The following MAST1 variants were observed in gnomAD, a reference collection of about 807,000 sequenced individuals.
MAST1 encodes microtubule-associated serine/threonine-protein kinase 1.
MAST1 carries 40 observed loss-of-function variants against 124.6 expected under a neutral mutation model. The ratio of observed to expected loss-of-function variants is 0.32; its 90% CI spans 0.25 to 0.42. MAST1 has a LOEUF of 0.42. Among genes scored for constraint, MAST1 ranks in the 10% least tolerant of loss-of-function variants. The probability of loss-of-function intolerance (pLI) is 1.00; values close to 1 mark genes in which losing one functional copy is unlikely to be tolerated. For missense variants in MAST1, 1,558 were observed against 2,181.9 expected (o/e 0.71, Z 5.70); for synonymous variants, 938 against 939.4 (o/e 1.00, Z 0.03).
chr19:12,854,634 T>C (rs554727435), intron 10 of MAST1, among the ~76,000 whole-genome samples: 1 of 152,310 alleles, frequency 6.6e-6, no homozygotes, highest in Admixed American at 6.5e-5. Context: ...CTGTTGTAAA[T>C]AGTGCTCTTA....
rs1461885638 is a variant in MAST1, at chr19:12,874,482, G to A, written c.4325G>A (p.Arg1442Gln). 6.4e-7 allele frequency: 1 copy of A among 1,571,380 alleles called. No homozygotes were observed. The highest frequency in any genetic ancestry group is 8.6e-7 in the Non-Finnish European group (1 of 1,162,184). ...GTACCCATTGTCGTAGAGCCTGCGC[G>A]GCCCGGGGCTAAGGCTGTGGTGCCT... The part of the protein sequence containing the change: ...PLVPIVVEPA[R>Q]PGAKAVVPQP... The change falls in exon 26 of 26, where the codon CGG (arginine) becomes CAG (glutamine). Residue 1442 changes from arginine to glutamine, a missense_variant. Around this residue, in one of 10 missense-constraint regions of MAST1, gnomAD observed 263 missense variants for 310.9 expected, o/e 0.85. Transcript: ENST00000251472. This position sits in a 1 kb window ranked among gnomAD's most constrained non-coding sequence, Gnocchi z 6.6.
At chr19:12,855,340 G>A (rs1191776049) in intron 10 of MAST1, among the ~76,000 whole-genome samples, 2 of 152,022 alleles carry the variant, frequency 1.3e-5, no homozygotes, top group Non-Finnish European at 2.9e-5. Flanking sequence ...GAAGTTCTAG[G>A]GCTGGGTGTA....
At chr19:12,863,405 A>C (rs1322667075) in intron 12 of MAST1, among the ~76,000 whole-genome samples, 1 of 152,128 alleles carries the variant, frequency 6.6e-6, no homozygotes, top group East Asian at 1.9e-4. Context: ...GAAACCAGCA[A>C]AATCTCGCAG....
chr19:12,863,366 T>G (rs548229013), intron 12 of MAST1, among the ~76,000 whole-genome samples: 9 of 152,094 alleles, frequency 5.9e-5, no homozygotes, highest in African/African-American at 2.2e-4. Context: ...CAAATGCAGA[T>G]TCCTGGGCCC....
chr19:12,847,340 G>A lies in MAST1; in HGVS notation c.378G>A (p.Thr126=), dbSNP rs1969905952. 1 of 1,613,720 alleles carries A rather than the reference G, an allele frequency of 6.2e-7. No homozygotes were observed. Among genetic ancestry groups the A allele is most frequent in the Non-Finnish European group, 8.5e-7 (1 of 1,179,982 alleles). Residue 126 remains threonine (T), a synonymous_variant, in exon 5 of 26, where the codon ACG becomes ACA. Coordinates refer to ENST00000251472, the MANE Select transcript of MAST1 (RefSeq NM_014975.3). The surrounding 1 kb of genome is among the most constrained non-coding windows in gnomAD (Gnocchi z 5.5). ...ERLHQLPYQP[T]VDELHFLSKH... The stretch of plus-strand genomic sequence containing the variant: ...TTCACCAGCTGCCCTACCAGCCCAC[G>A]GTGGACGAGCTCCACTTCCTCTCCA...
intron 1 of MAST1, among the ~76,000 whole-genome samples, chr19:12,840,149 C>T (rs558714251): frequency 1.3e-5 from 2 of 152,346 alleles, no homozygotes; most frequent in South Asian, 4.1e-4. Flanking sequence ...GACTGAGACA[C>T]GCTCAGTATC....
chr19:12,861,197 G>A (rs1970078373), intron 12 of MAST1, among the ~76,000 whole-genome samples: 2 of 152,046 alleles, frequency 1.3e-5, no homozygotes, highest in African/African-American at 4.8e-5. Context: ...GAGTAGCTGG[G>A]ACTAAAGGCG....
Position 12,843,428 on chromosome 19 carries a change from C to T in MAST1, c.249-101C>T. 1 of 833,054 alleles carries T rather than the reference C, an allele frequency of 1.2e-6. No individual in the cohort carries two copies. Among genetic ancestry groups the T allele is most frequent in the Non-Finnish European group, 2.0e-6 (1 of 508,866 alleles). 51.6% of individuals were successfully genotyped at this position (833,054 alleles called of 1,614,324 possible). A position where few individuals can be genotyped will look rare whatever the true frequency, so the allele number is the denominator to read the frequency against. On this transcript the variant is annotated intron_variant, in intron 3 of 25. Coordinates refer to ENST00000251472, the MANE Select transcript of MAST1 (RefSeq NM_014975.3). This position sits in a 1 kb window ranked among gnomAD's most constrained non-coding sequence, Gnocchi z 4.9. ...ATCTTAGAGTGCAGATATATTCCCC[C>T]AACCCCCACCCTGGCCCTGGCCAGT...
At chr19:12,849,504 AT>A (rs1208844687) in intron 7 of MAST1, among the ~76,000 whole-genome samples, 1 of 152,018 alleles carries the variant, frequency 6.6e-6, no homozygotes, top group Non-Finnish European at 1.5e-5. Context: ...TTTACTAAAA[AT>A]ACAAAAAAGT....
intron 22 of MAST1, among the ~76,000 whole-genome samples, chr19:12,870,262 G>A (rs1970214745): frequency 6.6e-6 from 1 of 151,624 alleles, no homozygotes; most frequent in African/African-American, 2.4e-5. Flanking sequence ...GGCCGAGGTG[G>A]GTGGATCACG....
intron 9 of MAST1, 27 bp downstream of exon 9, chr19:12,852,274 TG>T: frequency 1.2e-6 from 2 of 1,614,044 alleles, no homozygotes; most frequent in South Asian, 2.2e-5. Flanking sequence ...GCAGGGGGAC[TG>T]GGGGTGAGCA....
intron 22 of MAST1, among the ~76,000 whole-genome samples, chr19:12,870,501 A>G (rs1473497250): frequency 6.6e-6 from 1 of 151,290 alleles, no homozygotes; most frequent in Non-Finnish European, 1.5e-5. Flanking sequence ...TCAAAAAAAA[A>G]AAAAAAAAAA....
rs570425880 is a variant in MAST1, at chr19:12,864,840, T to C, written c.1398T>C (p.Ile466=). 4 of 1,613,928 alleles carry C rather than the reference T, an allele frequency of 2.5e-6. No homozygotes were observed. Among genetic ancestry groups the C allele is most frequent in the Non-Finnish European group, 2.5e-6 (3 of 1,180,046 alleles). The change falls in exon 13 of 26, where the codon ATT becomes ATC. Residue 466 remains isoleucine, a synonymous_variant. Coordinates refer to ENST00000251472, the MANE Select transcript of MAST1 (RefSeq NM_014975.3). ...GGDCATLLKN[I]GALPVEMARM... ...ACTGTGCCACCCTGCTGAAGAATAT[T>C]GGAGCGCTGCCCGTAGAGATGGCCC...
chr19:12,850,020 A>T (rs1413991593), intron 7 of MAST1, among the ~76,000 whole-genome samples: 1 of 151,194 alleles, frequency 6.6e-6, no homozygotes, highest in Non-Finnish European at 1.5e-5. Flanking sequence ...CTGGTCTCTA[A>T]CTCCTGACCT....
At chr19:12,840,697 A>G (rs1038054627) in intron 2 of MAST1, among the ~76,000 whole-genome samples, 163 bp downstream of exon 2, 1 of 151,728 alleles carries the variant, frequency 6.6e-6, no homozygotes, top group South Asian at 2.1e-4. Flanking sequence ...GGTCAGTCGC[A>G]GAGGGACGGT....
intron 12 of MAST1, among the ~76,000 whole-genome samples, chr19:12,863,052 G>A (rs896977591): frequency 2.0e-5 from 3 of 150,942 alleles, no homozygotes; most frequent in African/African-American, 7.3e-5. Flanking sequence ...GGGAGGCTGA[G>A]GAACAAGAAT....
At position 12,865,145 on chromosome 19, in the gene MAST1, C is replaced by T. The variant is rs749230751; in HGVS notation, c.1605C>T (p.Ile535=). The change falls in exon 14 of 26, where the codon ATC becomes ATT. Residue 535 remains isoleucine, a synonymous_variant. Transcript: ENST00000251472. This position sits in a 1 kb window ranked among gnomAD's most constrained non-coding sequence, Gnocchi z 7.1. ...SLTTNLYEGH[I]EKDAREFLDK... ...CCACCAACTTATATGAAGGCCACAT[C>T]GAGAAGGACGCCCGAGAGTTCCTGG... is the stretch of plus-strand genomic sequence containing the variant. 5.6e-6 allele frequency: 9 copies of T among 1,613,966 alleles called. No homozygotes were observed. Among genetic ancestry groups the T allele is most frequent in the South Asian group, 5.5e-5 (5 of 91,084 alleles).
In MAST1 at chr19:12,840,503, G is replaced by A. The variant is rs536538023; in HGVS notation, c.141G>A (p.Pro47=). ...LILTSTSPTL[P]RPHSPLPGHL... ...TGACCAGCACTTCACCCACGCTACC[G>A]AGACCCCACTCCCCGCTGCCAGGTC... The change falls in exon 2 of 26, where the codon CCG becomes CCA. Residue 47 remains proline (P), a synonymous_variant. Transcript: ENST00000251472. The A allele has an allele frequency of 9.2e-5, 149 of 1,614,002 alleles. 3 individuals carry two copies. The South Asian group carries it at 1.5e-3, about 17-fold the overall frequency.
At chr19:12,849,588 CG>C (rs1969937065) in intron 7 of MAST1, among the ~76,000 whole-genome samples, 1 of 151,634 alleles carries the variant, frequency 6.6e-6, no homozygotes, top group African/African-American at 2.4e-5. Flanking sequence ...CGCTTGAATC[CG>C]GGAGGCAGTG....
Sources: allele counts gnomAD v4.1 joint callset (sites outside exome capture counted in the v4.1 genomes callset), GRCh38; gene constraint gnomAD v4.1.1; regional missense constraint gnomAD v4.1.1; non-coding constraint Gnocchi (gnomAD v3.1); transcripts MANE v1.5; gene names NCBI Gene and HGNC (gene_info 2026-07-23, HGNC 2026-07-21).